The following ATP13A4 variants were observed in gnomAD, a reference collection of about 807,000 sequenced individuals.
ATP13A4 encodes the protein probable cation-transporting ATPase 13A4.
ATP13A4 carries 114 observed loss-of-function variants against 142.5 expected under a neutral mutation model. The ratio of observed to expected loss-of-function variants is 0.80; its 90% confidence interval spans 0.69 to 0.93. The LOEUF is 0.93. ATP13A4 is among the 40% of genes least tolerant of loss of function. The pLI, the probability that ATP13A4 is intolerant of heterozygous loss-of-function variation, is 0.00. For synonymous variants in ATP13A4, 488 were observed against 514.8 expected, an observed-to-expected ratio of 0.95 and a Z score of 0.70; for missense variants, 1,392 against 1,454.0, an observed-to-expected ratio of 0.96 and a Z score of 0.69.
intron 2 of ATP13A4, among the ~76,000 whole-genome samples, chr3:193,509,376 A>T (rs1721024390): frequency 6.6e-6 from 1 of 152,294 alleles, no homozygotes; most frequent in African/African-American, 2.4e-5. Flanking sequence ...GGTTTTATTA[A>T]TCACACACAC....
chr3:193,412,454 A>G, intron 26 of ATP13A4, 83 bp from the exon 27 acceptor site: 1 of 1,342,514 alleles, frequency 7.4e-7, no homozygotes, highest in Non-Finnish European at 1.1e-6. Flanking sequence ...TCCATACCAA[A>G]CAGTGTCCAG....
At chr3:193,498,417 G>A (rs1720363161) in intron 3 of ATP13A4, among the ~76,000 whole-genome samples, 2 of 152,130 alleles carry the variant, frequency 1.3e-5, no homozygotes, top group South Asian at 2.1e-4. Flanking sequence ...TGACAATTGT[G>A]TGTTCTTGCT....
At chr3:193,573,292 C>CTTATATATATATGTATGT (rs1553862256) in intron 2 of ATP13A4, among the ~76,000 whole-genome samples, 2 of 107,888 alleles carry the variant, frequency 1.9e-5, no homozygotes, top group African/African-American at 9.2e-5. Flanking sequence ...TATATATACA[C>CTTATATATATATGTATGT]ATATATATAT....
In ATP13A4 at chr3:193,439,123, A is replaced by G. The variant is rs1330677252; in HGVS notation, c.2520-58T>C. The stretch of plus-strand genomic sequence containing the variant: ...TCAAACCTATCTTGCTAATTTCTCT[A>G]ATTAAAAAAACAAAGTAACCATCAT... On this transcript the variant is annotated intron_variant, in intron 21 of 29. Coordinates refer to ENST00000342695, the MANE Select transcript of ATP13A4 (RefSeq NM_032279.4). 5 of 1,501,362 alleles carry G rather than the reference A, an allele frequency of 3.3e-6. No homozygotes were observed. The Admixed American group carries it at 6.7e-5, about 20-fold the overall frequency. 93.0% of individuals were successfully genotyped at this position (1,501,362 alleles called of 1,614,324 possible).
At chr3:193,457,603 C>A in intron 14 of ATP13A4, 138 bp from the exon 15 acceptor site, 1 of 780,072 alleles carries the variant, frequency 1.3e-6, no homozygotes, top group Admixed American at 2.0e-5. Context: ...AGAGGTGAAC[C>A]AGATTTATTC....
At chr3:193,527,661 G>A (rs933420833) in intron 1 of ATP13A4, among the ~76,000 whole-genome samples, 30 of 149,520 alleles carry the variant, frequency 2.0e-4, no homozygotes, top group African/African-American at 5.9e-4. Flanking sequence ...CCTTCCTGCC[G>A]CCATGTAAGA....
rs897912546 is a variant in ATP13A4, at chr3:193,541,140, T to G, written c.60+13600A>C. Among the ~76,000 whole-genome samples, 286 of 150,328 alleles carry G rather than the reference T, an allele frequency of 1.9e-3. 3 individuals are homozygous for G. The highest frequency in any genetic ancestry group is 3.4e-3 in the Middle Eastern group (1 of 290). On this transcript the variant is annotated intron_variant, in intron 1 of 29. Coordinates refer to ENST00000342695, the MANE Select transcript of ATP13A4 (RefSeq NM_032279.4). ...GGCAGGCGCCTGTAGTCCCAGCTAC[T>G]CGGGAGGCTGAGGCAGGAGAATGGC...
At chr3:193,551,124 A>C (rs938736606) in intron 1 of ATP13A4, among the ~76,000 whole-genome samples, 1 of 152,174 alleles carries the variant, frequency 6.6e-6, no homozygotes, top group East Asian at 1.9e-4. Flanking sequence ...ATAAAAGTAC[A>C]TATTCCTGGC....
intron 24 of ATP13A4, among the ~76,000 whole-genome samples, chr3:193,434,628 T>C (rs1199019635): frequency 6.6e-6 from 1 of 152,152 alleles, no homozygotes; most frequent in Non-Finnish European, 1.5e-5. Flanking sequence ...CGGAGAGCAA[T>C]AGAACTAAAA....
chr3:193,502,597 A>G lies in ATP13A4; in HGVS notation c.277T>C (p.Tyr93His), dbSNP rs1318603911. Residue 93 changes from tyrosine (Y) to histidine (H), a missense_variant, in exon 3 of 30, where the codon TAC (tyrosine) becomes CAC (histidine). Physicochemically the swap from Tyr to His is moderately conservative, Grantham distance 83. Coordinates refer to ENST00000342695, the MANE Select transcript of ATP13A4 (RefSeq NM_032279.4). ...AATGCGCTGTTTAATGCTGACAGGT[A>G]GATCCATATTACCTTTTTCCAAGAG... ...IYSWKKVIWIYLSALNSAFGL... is the reference protein window; with the variant it reads ...IYSWKKVIWIHLSALNSAFGL... 6.2e-7 allele frequency: 1 copy of G among 1,613,826 alleles called. No individual in the cohort carries two copies. Among genetic ancestry groups the G allele is most frequent in the Admixed American group, 1.7e-5 (1 of 60,000 alleles).
chr3:193,432,302 T>C (rs1251693307), intron 25 of ATP13A4, among the ~76,000 whole-genome samples: 2 of 152,200 alleles, frequency 1.3e-5, no homozygotes, highest in East Asian at 1.9e-4. Flanking sequence ...CTCTAAATCA[T>C]TGGTAGTAGA....
At chr3:193,461,938 T>C (rs1220739807) in intron 13 of ATP13A4, among the ~76,000 whole-genome samples, 1 of 152,106 alleles carries the variant, frequency 6.6e-6, no homozygotes, top group Non-Finnish European at 1.5e-5. Context: ...AAAAGGAGTT[T>C]CAGCCAAGTG....
chr3:193,423,767 A>T (rs562094062), intron 25 of ATP13A4, among the ~76,000 whole-genome samples: 1 of 149,708 alleles, frequency 6.7e-6, no homozygotes, highest in Non-Finnish European at 1.5e-5. Flanking sequence ...AATCTGGAAC[A>T]AGAAAAGGAT....
chr3:193,583,445 A>T (rs1378643040), intron 1 of ATP13A4, among the ~76,000 whole-genome samples: 2 of 151,944 alleles, frequency 1.3e-5, no homozygotes, highest in East Asian at 1.9e-4. Flanking sequence ...AAAATAAAAT[A>T]AAATAAATAA....
At position 193,502,604 on chromosome 3, in the gene ATP13A4, T is replaced by C. The variant is rs1720614005; in HGVS notation, c.270A>G (p.Ile90Met). Residue 90 changes from isoleucine to methionine, a missense_variant, in exon 3 of 30, where the codon ATA (isoleucine) becomes ATG (methionine). By Grantham distance (10) the Ile-to-Met change is conservative. Transcript: ENST00000342695. ...TGTTTAATGCTGACAGGTAGATCCATATTACCTTTTTCCAAGAGTAAATTT... is the reference window on the plus strand; with the variant it reads ...TGTTTAATGCTGACAGGTAGATCCACATTACCTTTTTCCAAGAGTAAATTT... Reference protein sequence around the residue: ...EFQIYSWKKVIWIYLSALNSA... With the variant: ...EFQIYSWKKVMWIYLSALNSA... The C allele has an allele frequency of 6.2e-7, 1 of 1,613,966 alleles. No homozygotes were observed. The highest frequency in any genetic ancestry group is 1.1e-5 in the South Asian group (1 of 91,082).
In ATP13A4 at chr3:193,441,425, C is replaced by T. The variant is rs374596056; in HGVS notation, c.2439+41G>A. On this transcript the variant is annotated intron_variant, in intron 20 of 29. Transcript: ENST00000342695. ...GACCATGTTCTGTAAGTGACATCAT[C>T]AGCATTTTCATAGGGAGATTGTCAC... 10 of 1,610,712 alleles carry T rather than the reference C, an allele frequency of 6.2e-6. No individual in the cohort carries two copies. In the African/African-American group the frequency reaches 1.3e-4, roughly 22 times the overall value.
chr3:193,457,382 G>A lies in ATP13A4; in HGVS notation c.1758C>T (p.Ser586=), dbSNP rs374957637. 27 of 1,614,074 alleles carry A rather than the reference G, an allele frequency of 1.7e-5. No homozygotes were observed. In the African/African-American group the frequency reaches 2.4e-4, roughly 14 times the overall value. ...GTGAAGAGCAAGCAGGGCTTACCTG[G>A]CTGGCTGTTCTGCAGGGCTTAACTA... ...AMVVKPCRTA[S]QVPVEGIAIL... The change falls in exon 15 of 30, where the codon AGC becomes AGT. Residue 586 remains serine, a synonymous_variant. Coordinates refer to ENST00000342695, the MANE Select transcript of ATP13A4 (RefSeq NM_032279.4).
At chr3:193,538,066 C>T (rs1358797651) in intron 1 of ATP13A4, among the ~76,000 whole-genome samples, 2 of 152,104 alleles carry the variant, frequency 1.3e-5, no homozygotes, top group Non-Finnish European at 1.5e-5. Context: ...AATTGTGATA[C>T]TGTACTATAG....
chr3:193,438,296 A>G (rs953527027), intron 23 of ATP13A4, among the ~76,000 whole-genome samples, 179 bp downstream of exon 23: 2 of 152,102 alleles, frequency 1.3e-5, no homozygotes, highest in African/African-American at 2.4e-5. Context: ...TGCTCTCCCA[A>G]TGTTATTGTT....
Sources: allele counts gnomAD v4.1 joint callset (sites outside exome capture counted in the v4.1 genomes callset), GRCh38; gene constraint gnomAD v4.1.1; transcripts MANE v1.5; gene names NCBI Gene and HGNC (gene_info 2026-07-23, HGNC 2026-07-21).